F5: variants seen among roughly 807,000 people sequenced by gnomAD.
The protein encoded by F5 is activated protein c cofactor.
Under a neutral mutation model 216.4 loss-of-function variants are expected in F5, and 138 were observed. The ratio of observed to expected loss-of-function variants is 0.64; its 90% CI spans 0.56 to 0.73. The LOEUF (loss-of-function observed/expected upper bound fraction) is 0.73, where lower values mean the gene tolerates loss of function less well. Ranked by LOEUF, F5 falls within the 30% of genes least tolerant of loss-of-function variation. F5 has a pLI of 0.00. For synonymous variants in F5, 916 were observed against 930.7 expected (o/e 0.98, Z 0.29); for missense variants, 2,403 against 2,674.0 (o/e 0.90, Z 2.24).
intron 3 of F5, among the ~76,000 whole-genome samples, chr1:169,563,568 A>G (rs1040483765): frequency 4.7e-4 from 71 of 151,778 alleles, no homozygotes; most frequent in African/African-American, 1.7e-3. Flanking sequence ...ATTTTCTACT[A>G]TTTCCTTTCA....
chr1:169,574,189 C>G (rs916883639), intron 2 of F5, among the ~76,000 whole-genome samples: 1 of 152,058 alleles, frequency 6.6e-6, no homozygotes, highest in Non-Finnish European at 1.5e-5. Context: ...TGTGAGTAGT[C>G]CTGGAACCAA....
intron 2 of F5, among the ~76,000 whole-genome samples, chr1:169,574,333 G>A (rs1258629844): frequency 1.3e-5 from 2 of 152,196 alleles, no homozygotes; most frequent in Non-Finnish European, 2.9e-5. Flanking sequence ...ATGAATCTGA[G>A]TTCTGGAGGT....
chr1:169,524,397 C>A lies in F5; in HGVS notation c.5788+440G>T, dbSNP rs973747848. ...GGACTATAATGCCTGGCTGATAAGA[C>A]CCTGTGAATCTGGCTGAAATACTAC... On this transcript the variant is annotated intron_variant, in intron 19 of 24. Coordinates refer to ENST00000367797, the MANE Select transcript of F5 (RefSeq NM_000130.5). 4.6e-5 allele frequency among the ~76,000 whole-genome samples: 7 copies of A among 152,284 alleles called. No homozygotes were observed. In the East Asian group the frequency reaches 1.3e-3, roughly 29 times the overall value.
chr1:169,545,304 G>A (rs892616401), intron 11 of F5, among the ~76,000 whole-genome samples: 1 of 152,182 alleles, frequency 6.6e-6, no homozygotes, highest in Admixed American at 6.5e-5. Context: ...GCTACAAGTG[G>A]TTATCGAGCA....
At chr1:169,521,690 G>A (rs540655759) in intron 21 of F5, among the ~76,000 whole-genome samples, 2 of 137,468 alleles carry the variant, frequency 1.5e-5, no homozygotes, top group South Asian at 2.4e-4. Context: ...GCGTGATCTC[G>A]GCTCACTGCA....
At chr1:169,526,879 A>T (rs1342021777) in intron 17 of F5, among the ~76,000 whole-genome samples, 1 of 150,380 alleles carries the variant, frequency 6.6e-6, no homozygotes, top group Admixed American at 6.6e-5. Context: ...TATTATATTA[A>T]TTAATTAATA....
At chr1:169,567,105 G>T (rs890556264) in intron 3 of F5, among the ~76,000 whole-genome samples, 2 of 151,714 alleles carry the variant, frequency 1.3e-5, no homozygotes, top group African/African-American at 4.8e-5. Context: ...CTGGTGCAGG[G>T]TCTCTTCCAG....
At chr1:169,561,005 C>T (rs890347860) in intron 3 of F5, among the ~76,000 whole-genome samples, 1 of 152,128 alleles carries the variant, frequency 6.6e-6, no homozygotes, top group Non-Finnish European at 1.5e-5. Context: ...TAAAGTTTAG[C>T]AAGTTAATTT....
rs751215852 is a variant in F5, at chr1:169,518,542, A to G, written c.6215T>C (p.Met2072Thr). ...EVNGCSTPLG[M>T]ENGKIENKQI... ...CTTGTTTTCTATCTTTCCATTTTCC[A>G]TACCCAGGGGTGTGGAACATCCTAT... The change falls in exon 23 of 25, where the codon ATG becomes ACG. Residue 2072 changes from methionine to threonine, a missense_variant. Coordinates refer to ENST00000367797, the MANE Select transcript of F5 (RefSeq NM_000130.5). 1 of 1,613,822 alleles carries G rather than the reference A, an allele frequency of 6.2e-7. No homozygotes were observed. The highest frequency in any genetic ancestry group is 1.3e-5 in the African/African-American group (1 of 74,994).
chr1:169,532,452 A>T, intron 14 of F5, among the ~76,000 whole-genome samples: 1 of 152,314 alleles, frequency 6.6e-6, no homozygotes, highest in African/African-American at 2.4e-5. Context: ...AACCCTAAAG[A>T]CTCCATGAAA....
intron 14 of F5, among the ~76,000 whole-genome samples, chr1:169,532,735 A>G (rs1659618317): frequency 6.6e-6 from 1 of 152,192 alleles, no homozygotes; most frequent in South Asian, 2.1e-4. Flanking sequence ...AGATGACACA[A>G]ACAAATGGAA....
intron 14 of F5, among the ~76,000 whole-genome samples, chr1:169,535,687 A>G (rs986386508): frequency 6.6e-6 from 1 of 152,190 alleles, no homozygotes; most frequent in East Asian, 1.9e-4. Context: ...GTGTTAAATT[A>G]TCGTTCATCT....
chr1:169,576,300 CCT>C (rs1413588712), intron 2 of F5, among the ~76,000 whole-genome samples: 1 of 152,200 alleles, frequency 6.6e-6, no homozygotes, highest in Non-Finnish European at 1.5e-5. Context: ...TTTCCCTACC[CCT>C]GTCTTGCCAC....
chr1:169,528,377 G>A (rs923281234), intron 16 of F5, among the ~76,000 whole-genome samples: 2 of 152,106 alleles, frequency 1.3e-5, no homozygotes, highest in Non-Finnish European at 2.9e-5. Flanking sequence ...TTACAGTTCC[G>A]TGCTTTACCC....
chr1:169,570,260 G>T (rs913748697), intron 3 of F5, among the ~76,000 whole-genome samples: 7 of 152,074 alleles, frequency 4.6e-5, no homozygotes, highest in African/African-American at 7.2e-5. Context: ...GTGTTGCAAG[G>T]TTCATTCACT....
At chr1:169,551,377 G>A (rs1364750409) in intron 8 of F5, among the ~76,000 whole-genome samples, 1 of 152,248 alleles carries the variant, frequency 6.6e-6, no homozygotes, top group Non-Finnish European at 1.5e-5. Flanking sequence ...CTGAGCCCAG[G>A]AAGTGGAGGT....
intron 13 of F5, among the ~76,000 whole-genome samples, chr1:169,538,480 C>T (rs1160901762): frequency 6.6e-6 from 1 of 152,006 alleles, no homozygotes; most frequent in African/African-American, 2.4e-5. Flanking sequence ...GTTCTAACCA[C>T]AAAAAAGTAT....
At chr1:169,531,185 C>G (rs753106223) in intron 14 of F5, among the ~76,000 whole-genome samples, 163 bp from the exon 15 acceptor site, 1 of 152,140 alleles carries the variant, frequency 6.6e-6, no homozygotes, top group Non-Finnish European at 1.5e-5. Context: ...CATAACCATC[C>G]TGTGAGATAT....
intron 3 of F5, among the ~76,000 whole-genome samples, chr1:169,561,293 C>A (rs75110879): frequency 2.0e-5 from 3 of 151,584 alleles, no homozygotes; most frequent in African/African-American, 4.8e-5. Context: ...TTTTTTCCCC[C>A]GAGCCACAGC....
Sources: gnomAD v4.1 joint callset for allele counts (sites outside exome capture counted in the v4.1 genomes callset) on GRCh38, gnomAD v4.1.1 for gene constraint, MANE v1.5 for transcripts, NCBI Gene and HGNC (gene_info 2026-07-23, HGNC 2026-07-21) for gene names.